The following KIF19 variants were observed in gnomAD, a reference collection of about 807,000 sequenced individuals.
KIF19 encodes kinesin-like protein KIF19.
In KIF19, 98 loss-of-function variants were observed where a neutral mutation model predicts 106.6. The ratio of observed to expected loss-of-function variants is 0.92; its 90% CI spans 0.78 to 1.09. The LOEUF is 1.09. Among genes scored for constraint, KIF19 ranks in the 50% least tolerant of loss-of-function variants. The pLI is 0.00. For synonymous variants in KIF19, 516 were observed against 584.2 expected, an observed-to-expected ratio of 0.88 and a Z score of 1.68; for missense variants, 1,373 against 1,414.3, an observed-to-expected ratio of 0.97 and a Z score of 0.47.
At chr17:74,345,442 G>A (rs561220469) in intron 7 of KIF19, among the ~76,000 whole-genome samples, 11 of 152,212 alleles carry the variant, frequency 7.2e-5, no homozygotes, top group African/African-American at 2.6e-4. Flanking sequence ...AGAGGAGAAG[G>A]TCCCCGTCAC....
In KIF19 at chr17:74,343,158, G is replaced by A; in HGVS notation, c.454G>A (p.Glu152Lys). The change falls in exon 5 of 20, where the codon GAG (glutamate) becomes AAG (lysine). Residue 152 changes from glutamate to lysine, a missense_variant and splice_region_variant. Transcript: ENST00000389916. The stretch of plus-strand genomic sequence containing the variant: ...GTATGAGGTCTCCATGTCCTACCTG[G>A]AGGTGAGTCCCCCAGCCTAGGCTCA... The part of the protein sequence containing the change: ...MEYEVSMSYL[E>K]IYNEMIRDLL... The A allele has an allele frequency of 6.8e-6, 11 of 1,612,208 alleles. No homozygotes were observed. The highest frequency in any genetic ancestry group is 9.3e-6 in the Non-Finnish European group (11 of 1,179,678).
At chr17:74,341,283 A>C (rs924406923) in intron 2 of KIF19, among the ~76,000 whole-genome samples, 1 of 152,176 alleles carries the variant, frequency 6.6e-6, no homozygotes, top group Non-Finnish European at 1.5e-5. Context: ...ACACCACTGC[A>C]CTCCAGCCTG....
At position 74,354,262 on chromosome 17, in the gene KIF19, C is replaced by G. The variant is rs1252427141; in HGVS notation, c.2409C>G (p.Pro803=). ...LGTEGRHLLA[P]ATERSSLSLH... Reference sequence around the variant, plus strand: ...CCGAGGGGCGACACCTGCTGGCACCCGCGACAGAGCGCAGCAGCCTGTCCC... The same window carrying G: ...CCGAGGGGCGACACCTGCTGGCACCGGCGACAGAGCGCAGCAGCCTGTCCC... Residue 803 remains proline (P), a synonymous_variant, in exon 18 of 20, where the codon CCC becomes CCG. Transcript: ENST00000389916. 6.2e-7 allele frequency: 1 copy of G among 1,608,402 alleles called. No homozygotes were observed. Among genetic ancestry groups the G allele is most frequent in the Non-Finnish European group, 8.5e-7 (1 of 1,179,324 alleles).
Position 74,344,942 on chromosome 17 carries a change from A to C in KIF19, c.764A>C (p.Glu255Ala). ...TTCATGATCGACCTGGCTGGCTCAG[A>C]GCGCGCCTCGCAGGTGAGGCTGGGA... ...RLFMIDLAGS[E>A]RASQTQNRGQ... Residue 255 changes from glutamate (E) to alanine (A), a missense_variant, in exon 7 of 20, where the codon GAG (glutamate) becomes GCG (alanine). Physicochemically the swap from Glu to Ala is moderately radical, Grantham distance 107. This residue lies in a region of KIF19 where 348 missense variants were observed against 389.5 expected (regional missense o/e 0.89). Coordinates refer to ENST00000389916, the MANE Select transcript of KIF19 (RefSeq NM_153209.4). 6.2e-7 allele frequency: 1 copy of C among 1,605,098 alleles called. No individual in the cohort carries two copies. The highest frequency in any genetic ancestry group is 8.5e-7 in the Non-Finnish European group (1 of 1,177,656).
At chr17:74,353,357 T>G in intron 16 of KIF19, 56 bp downstream of exon 16, 2 of 1,486,772 alleles carry the variant, frequency 1.3e-6, no homozygotes, top group South Asian at 2.4e-5. Flanking sequence ...GTGCGGGACA[T>G]GGGGGTGGAC....
rs374106339 is a variant in KIF19 at position 74,344,711 on chromosome 17, G to T, written c.583-50G>T. On this transcript the variant is annotated intron_variant, in intron 6 of 19. Coordinates refer to ENST00000389916, the MANE Select transcript of KIF19 (RefSeq NM_153209.4). ...GCCCCCTCAGGGGCTCCTCTCTGCCGGAGCACCTACGGCAGTCGCTAAGAG... is the reference window on the plus strand; with the variant it reads ...GCCCCCTCAGGGGCTCCTCTCTGCCTGAGCACCTACGGCAGTCGCTAAGAG... 1.0e-4 allele frequency: 157 copies of T among 1,558,932 alleles called. 1 individual carries two copies. In the African/African-American group the frequency reaches 2.1e-3, roughly 21 times the overall value.
rs1202743701 is a variant in KIF19, at chr17:74,344,296, G to C, written c.530G>C (p.Gly177Ala). 6.2e-7 allele frequency: 1 copy of C among 1,613,056 alleles called. No individual in the cohort carries two copies. The highest frequency in any genetic ancestry group is 1.7e-5 in the Admixed American group (1 of 59,990). ...CTGGAGCTGCGGGAGGACTCTAAGG[G>C]GGTGATCCAGGTGGCCGGCATCACC... ...GYLELREDSK[G>A]VIQVAGITEV... Residue 177 changes from glycine (G) to alanine (A), a missense_variant, in exon 6 of 20, where the codon GGG becomes GCG. Around this residue, in one of 3 missense-constraint regions of KIF19, gnomAD observed 348 missense variants for 389.5 expected, o/e 0.89. Transcript: ENST00000389916.
At chr17:74,352,429 G>C in intron 14 of KIF19, 89 bp downstream of exon 14, 1 of 1,463,132 alleles carries the variant, frequency 6.8e-7, no homozygotes, top group Non-Finnish European at 9.1e-7. Flanking sequence ...CAGCTGGAGG[G>C]GACAGGACCA....
At position 74,352,267 on chromosome 17, in the gene KIF19, A is replaced by G; in HGVS notation, c.1907A>G (p.Tyr636Cys). ...CGCCTGGAAGAGCTCTACGAAGTGTACCTGCGGGAGCTGGAGGAGGGCAGC... is the reference window on the plus strand; with the variant it reads ...CGCCTGGAAGAGCTCTACGAAGTGTGCCTGCGGGAGCTGGAGGAGGGCAGC... ...PQRLEELYEV[Y>C]LRELEEGSLE... The change falls in exon 14 of 20, where the codon TAC becomes TGC. Residue 636 changes from tyrosine (Y) to cysteine (C), a missense_variant. Tyr to Cys is a radical substitution (Grantham distance 194). Coordinates refer to ENST00000389916, the MANE Select transcript of KIF19 (RefSeq NM_153209.4). 6.2e-7 allele frequency: 1 copy of G among 1,612,908 alleles called. No homozygotes were observed. The highest frequency in any genetic ancestry group is 8.5e-7 in the Non-Finnish European group (1 of 1,179,718).
At chr17:74,339,532 G>A (rs1199684592) in intron 2 of KIF19, among the ~76,000 whole-genome samples, 2 of 150,856 alleles carry the variant, frequency 1.3e-5, no homozygotes, top group Non-Finnish European at 3.0e-5. Context: ...CACTGAAAGA[G>A]GGGACCAATG....
At chr17:74,341,845 G>T in intron 2 of KIF19, 31 bp from the exon 3 acceptor site, 1 of 1,531,568 alleles carries the variant, frequency 6.5e-7, no homozygotes, top group Non-Finnish European at 9.0e-7. Context: ...GTTCCCAGGT[G>T]ACCGTGGGCC....
At chr17:74,327,415 A>G (rs1356214383) in intron 1 of KIF19, among the ~76,000 whole-genome samples, 1 of 152,216 alleles carries the variant, frequency 6.6e-6, no homozygotes, top group African/African-American at 2.4e-5. Context: ...AATTTGGCTG[A>G]AGATGCCACT....
At chr17:74,355,106 C>G in intron 19 of KIF19, 76 bp from the exon 20 acceptor site, 1 of 1,548,978 alleles carries the variant, frequency 6.5e-7, no homozygotes, top group Non-Finnish European at 8.8e-7. Context: ...CTAGAGAGTT[C>G]AAGGCCACTG....
chr17:74,354,750 C>G (rs964679660), intron 18 of KIF19, 32 bp from the exon 19 acceptor site: 1 of 1,544,760 alleles, frequency 6.5e-7, no homozygotes, highest in Admixed American at 2.0e-5. Context: ...CTGTGCCGCT[C>G]TCGGCCTCAC....
At chr17:74,339,611 T>C (rs1219270867) in intron 2 of KIF19, among the ~76,000 whole-genome samples, 1 of 148,612 alleles carries the variant, frequency 6.7e-6, no homozygotes, top group Non-Finnish European at 1.5e-5. Flanking sequence ...GAGATGCCCA[T>C]GCTGGCTGAG....
rs535579027 is a variant in KIF19 at position 74,348,086 on chromosome 17, C to T, written c.1047+187C>T. Among the ~76,000 whole-genome samples the T allele has an allele frequency of 6.1e-4, 93 of 152,332 alleles. 3 individuals are homozygous for T. Among genetic ancestry groups the T allele is most frequent in the Admixed American group, 5.1e-3 (78 of 15,302 alleles). On this transcript the variant is annotated intron_variant, in intron 9 of 19. Transcript: ENST00000389916. ...AAACCCTGCTCCTCTGCCGGGAAGC[C>T]GACAGCTCCCAAGGGTCCCCGCTTC...
intron 1 of KIF19, among the ~76,000 whole-genome samples, chr17:74,327,047 G>A (rs1429530971): frequency 6.6e-6 from 1 of 152,202 alleles, no homozygotes; most frequent in Admixed American, 6.5e-5. Flanking sequence ...CTGGGCCAGA[G>A]CAACAAGGGA....
rs776748777 is a variant in KIF19 at position 74,354,502 on chromosome 17, G to A, written c.2649G>A (p.Ser883=). Residue 883 remains serine (S), a synonymous_variant, in exon 18 of 20, where the codon TCG becomes TCA. Coordinates refer to ENST00000389916, the MANE Select transcript of KIF19 (RefSeq NM_153209.4). ...GCCTGGGCAAGAAAAGGGAGGAGTC[G>A]CTGGAGGCAAAGAGAAGGAAGCGGA... ...KKSLGKKREE[S]LEAKRRKRRS... is the part of the protein sequence containing the mutation. 2.0e-5 allele frequency: 32 copies of A among 1,604,784 alleles called. No homozygotes were observed. Among genetic ancestry groups the A allele is most frequent in the South Asian group, 4.5e-5 (4 of 89,476 alleles).
rs758751897 is a variant in KIF19 at position 74,354,197 on chromosome 17, TG to T, written c.2347del (p.Val783Ter). ...GATCCTGACTGGCACCAAGTGCATC[TG>T]GGTGAAGGCCGCCCGGCGGCGCTCG... ...KEILTGTKCI[W>X]VKAARRRSRA... On this transcript the variant is annotated frameshift_variant, in exon 18 of 20. Transcript: ENST00000389916. LOFTEE classifies it high-confidence loss of function. 12 of 1,609,724 alleles carry T rather than the reference TG, an allele frequency of 7.5e-6. No individual in the cohort carries two copies. The Admixed American group carries it at 1.8e-4, about 25-fold the overall frequency.
Sources: allele counts gnomAD v4.1 joint callset (sites outside exome capture counted in the v4.1 genomes callset), GRCh38; gene constraint gnomAD v4.1.1; regional missense constraint gnomAD v4.1.1; transcripts MANE v1.5; gene names NCBI Gene and HGNC (gene_info 2026-07-23, HGNC 2026-07-21).